CCDC93: variants seen among roughly 807,000 people sequenced by gnomAD.
CCDC93 encodes CCC complex scaffolding subunit CCDC93, also known as coiled-coil domain-containing protein 93.
Under a neutral mutation model 108.2 loss-of-function variants are expected in CCDC93, and 61 were observed. The observed-to-expected ratio is 0.56, with a 90% CI of 0.46 to 0.70. CCDC93 has a LOEUF of 0.70. CCDC93 is among the 30% of genes least tolerant of loss of function. The pLI, the probability that CCDC93 is intolerant of heterozygous loss-of-function variation, is 0.00. For missense variants in CCDC93, 685 were observed against 764.2 expected (o/e 0.90, Z 1.22); for synonymous variants, 276 against 260.4 (o/e 1.06, Z -0.58).
intron 12 of CCDC93, among the ~76,000 whole-genome samples, chr2:117,955,651 A>G (rs74801347): frequency 2.6e-5 from 4 of 152,196 alleles, no homozygotes; most frequent in African/African-American, 7.2e-5. Flanking sequence ...CTTATTTGTA[A>G]AGTGAGGAAA....
intron 11 of CCDC93, among the ~76,000 whole-genome samples, chr2:117,968,450 G>T (rs1279164303): frequency 6.6e-6 from 1 of 152,152 alleles, no homozygotes; most frequent in African/African-American, 2.4e-5. Flanking sequence ...TTACCCTTTG[G>T]AAACAATGGC....
intron 15 of CCDC93, among the ~76,000 whole-genome samples, chr2:117,947,473 G>A (rs1678909208): frequency 6.6e-6 from 1 of 152,150 alleles, no homozygotes; most frequent in African/African-American, 2.4e-5. Flanking sequence ...ATAGGACATA[G>A]ACATCCCAGG....
chr2:117,942,097 C>T (rs1678719243), intron 18 of CCDC93, among the ~76,000 whole-genome samples: 1 of 152,222 alleles, frequency 6.6e-6, no homozygotes, highest in African/African-American at 2.4e-5. Context: ...GTGACCTAAT[C>T]CAAAACTGGG....
At chr2:118,013,873 G>T (rs1223866081) in intron 1 of CCDC93, 81 bp downstream of exon 1, 2 of 1,318,712 alleles carry the variant, frequency 1.5e-6, no homozygotes, top group Non-Finnish European at 2.1e-6. Context: ...ACGCACCCAG[G>T]GCCCGCTCAG....
At chr2:117,923,701 G>T (rs548203645) in intron 23 of CCDC93, among the ~76,000 whole-genome samples, 1 of 46 alleles carries the variant, frequency 0.022, no homozygotes, top group East Asian at 0.5. Context: ...GTCCACCTCT[G>T]GGGGCAGGCA....
At chr2:117,987,833 T>C (rs939961349) in intron 6 of CCDC93, among the ~76,000 whole-genome samples, 4 of 152,210 alleles carry the variant, frequency 2.6e-5, no homozygotes, top group African/African-American at 7.2e-5. Flanking sequence ...TGGTAGCAAT[T>C]GTAATAGTTA....
intron 11 of CCDC93, among the ~76,000 whole-genome samples, chr2:117,961,140 C>T (rs1464849584): frequency 6.6e-6 from 1 of 152,006 alleles, no homozygotes; most frequent in Non-Finnish European, 1.5e-5. Context: ...GGCCAGCCAT[C>T]GTTTATGTAA....
chr2:117,971,011 A>T (rs960984152), intron 11 of CCDC93, among the ~76,000 whole-genome samples: 1 of 152,206 alleles, frequency 6.6e-6, no homozygotes, highest in African/African-American at 2.4e-5. Flanking sequence ...ATTGTGTCTA[A>T]CAAAAAAAAG....
At chr2:117,928,566 T>C (rs1440795108) in intron 23 of CCDC93, among the ~76,000 whole-genome samples, 1 of 152,192 alleles carries the variant, frequency 6.6e-6, no homozygotes, top group Non-Finnish European at 1.5e-5. Context: ...TGAGATACCA[T>C]CTCACACCAG....
In CCDC93 at chr2:117,958,623, A is replaced by G. The variant is rs2104756673; in HGVS notation, c.889-142T>C. The stretch of plus-strand genomic sequence containing the variant: ...GGGCATTTACAGAGGCCTGTTCAAA[A>G]CCTGGCGTACAGAAGAGATTCTGAC... On this transcript the variant is annotated intron_variant, in intron 11 of 23. Transcript: ENST00000376300. The G allele has an allele frequency of 4.7e-6, 3 of 637,006 alleles. 1 individual carries two copies. Among genetic ancestry groups the G allele is most frequent in the Non-Finnish European group, 8.5e-6 (3 of 352,994 alleles). 39.5% of individuals were successfully genotyped at this position (637,006 alleles called of 1,614,324 possible). A position where few individuals can be genotyped will look rare whatever the true frequency, so the allele number is the denominator to read the frequency against.
chr2:117,938,922 T>A (rs1320113541), intron 20 of CCDC93, 107 bp downstream of exon 20: 1 of 618,178 alleles, frequency 1.6e-6, no homozygotes, highest in African/African-American at 1.9e-5. Context: ...AGGCACTCTT[T>A]CTGCTAATGC....
In CCDC93 at chr2:117,919,038, TATGTTTGCAAGATTTATGC is replaced by T. The variant is rs1479635759; in HGVS notation, c.*1286_*1304del. 6.6e-6 allele frequency: 1 copy of T among 152,246 alleles called. No individual in the cohort carries two copies. Among genetic ancestry groups the T allele is most frequent in the Non-Finnish European group, 1.5e-5 (1 of 68,052 alleles). 9.4% of individuals were successfully genotyped at this position (152,246 alleles called of 1,614,324 possible). Reference sequence around the variant, plus strand: ...GTTACTGTGCAAACCTGCCACCTGGTATGTTTGCAAGATTTATGCAAAATGGAGCACAAACCTACAGAAC... The same window carrying T: ...GTTACTGTGCAAACCTGCCACCTGGTAAAATGGAGCACAAACCTACAGAAC... On this transcript the variant is annotated 3_prime_UTR_variant, in exon 24 of 24. Transcript: ENST00000376300.
chr2:118,003,677 C>T lies in CCDC93; in HGVS notation c.252-2745G>A. ...TTTCCTGGCCACTCTTCGGAGCCAGCCTACTCACCCAGTTCATAAAGGTCC... is the reference window on the plus strand; with the variant it reads ...TTTCCTGGCCACTCTTCGGAGCCAGTCTACTCACCCAGTTCATAAAGGTCC... On this transcript the variant is annotated intron_variant, in intron 3 of 23. Coordinates refer to ENST00000376300, the MANE Select transcript of CCDC93 (RefSeq NM_019044.5). Among the ~76,000 whole-genome samples, 2 of 152,270 alleles carry T rather than the reference C, an allele frequency of 1.3e-5. 1 individual carries two copies.
chr2:117,931,171 A>G, intron 22 of CCDC93, 21 bp from the exon 23 acceptor site: 1 of 1,581,360 alleles, frequency 6.3e-7, no homozygotes, highest in Middle Eastern at 1.7e-4. Context: ...ATTGTGGGAA[A>G]TGGTGATGAA....
chr2:117,945,609 C>A (rs1390529149), intron 16 of CCDC93, 27 bp from the exon 17 acceptor site: 2 of 1,604,264 alleles, frequency 1.2e-6, no homozygotes. Flanking sequence ...ATAATAAACA[C>A]CTCTCCTGAG....
At chr2:117,922,582 A>AAACCC (rs2104696654) in intron 23 of CCDC93, among the ~76,000 whole-genome samples, 1 of 152,332 alleles carries the variant, frequency 6.6e-6, no homozygotes, top group South Asian at 2.1e-4. Flanking sequence ...GGGGTAAATC[A>AAACCC]AACCCAACAA....
intron 6 of CCDC93, among the ~76,000 whole-genome samples, chr2:117,994,014 G>A (rs948712414): frequency 6.6e-6 from 1 of 152,220 alleles, no homozygotes; most frequent in East Asian, 1.9e-4. Flanking sequence ...TTACAGGCGT[G>A]AGCCACTGTG....
chr2:117,949,997 A>G (rs1278356724), intron 13 of CCDC93: 1 of 985,474 alleles, frequency 1.0e-6, no homozygotes, highest in Non-Finnish European at 1.2e-6. Flanking sequence ...CTTAAACACA[A>G]GAGCTGGTGC....
intron 3 of CCDC93, among the ~76,000 whole-genome samples, chr2:118,002,401 A>T (rs1376527365): frequency 6.6e-6 from 1 of 152,188 alleles, no homozygotes; most frequent in Admixed American, 6.5e-5. Flanking sequence ...TAACTAGGTG[A>T]CCTAGGAACT....
Sources: gnomAD v4.1 joint callset for allele counts (sites outside exome capture counted in the v4.1 genomes callset) on GRCh38, gnomAD v4.1.1 for gene constraint, MANE v1.5 for transcripts, NCBI Gene and HGNC (gene_info 2026-07-23, HGNC 2026-07-21) for gene names.